GALK2: variants seen among roughly 807,000 people sequenced by gnomAD.
GALK2 encodes the protein N-acetylgalactosamine kinase.
Under a neutral mutation model 52.4 loss-of-function variants are expected in GALK2, and 36 were observed. The observed-to-expected ratio is 0.69, with a 90% CI of 0.53 to 0.91. The LOEUF (loss-of-function observed/expected upper bound fraction) is 0.91. GALK2 is among the 40% of genes least tolerant of loss of function. The probability of loss-of-function intolerance (pLI) is 0.00; values close to 1 mark genes in which losing one functional copy is unlikely to be tolerated. For missense variants in GALK2, 579 were observed against 559.1 expected (o/e 1.04, Z -0.36); for synonymous variants, 176 against 199.1 (o/e 0.88, Z 0.98).
intron 5 of GALK2, among the ~76,000 whole-genome samples, chr15:49,264,767 C>T (rs2092290352): frequency 2.0e-5 from 3 of 152,210 alleles, no homozygotes; most frequent in Non-Finnish European, 4.4e-5. Context: ...TATGTCCTTT[C>T]TGTTTGTTAG....
At chr15:49,337,151 CAT>C (rs775778759) in intron 3 of GALK2, among the ~76,000 whole-genome samples, 2 of 152,142 alleles carry the variant, frequency 1.3e-5, no homozygotes, top group African/African-American at 4.8e-5. Context: ...CTGCAATGAA[CAT>C]ATGAGTACAT....
rs1173985190 is a variant in GALK2, at chr15:49,292,418, T to C, written c.848T>C (p.Leu283Pro). ...CTAGGGATTAGTCTAGAAGAAATGC[T>C]GTTGGTCACAGAAGATGCCCTTCAT... ...AKLGISLEEM[L>P]LVTEDALHPE... The change falls in exon 8 of 10, where the codon CTG (leucine) becomes CCG (proline). Residue 283 changes from leucine (L) to proline (P), a missense_variant. By Grantham distance (98) the Leu-to-Pro change is moderately conservative. Coordinates refer to ENST00000560031, the MANE Select transcript of GALK2 (RefSeq NM_002044.4). 12 of 1,613,956 alleles carry C rather than the reference T, an allele frequency of 7.4e-6. No homozygotes were observed. The African/African-American group carries it at 1.5e-4, about 20-fold the overall frequency.
chr15:49,201,379 T>C (rs1229333066), intron 2 of GALK2, 129 bp downstream of exon 2: 4 of 551,486 alleles, frequency 7.3e-6, no homozygotes, highest in East Asian at 6.0e-5. Context: ...AATAGTAAGA[T>C]GTGCCTTTGC....
At chr15:49,272,332 T>C (rs1353492351) in intron 5 of GALK2, among the ~76,000 whole-genome samples, 1 of 152,182 alleles carries the variant, frequency 6.6e-6, no homozygotes, top group African/African-American at 2.4e-5. Flanking sequence ...TCAGCTTTCT[T>C]CACTTTTTTG....
At position 49,209,447 on chromosome 15, in the gene GALK2, G is replaced by T. The variant is rs184596003; in HGVS notation, c.143-7743G>T. Among the ~76,000 whole-genome samples, 374 of 152,124 alleles carry T rather than the reference G, an allele frequency of 2.5e-3. 4 individuals carry two copies. Among genetic ancestry groups the T allele is most frequent in the African/African-American group, 8.5e-3 (353 of 41,494 alleles). ...AAAGCTTTCCATTTTTCCTCATTTG[G>T]TATGACATTAGCTATGGGTTTGTCA... On this transcript the variant is annotated intron_variant, in intron 2 of 9. Transcript: ENST00000560031.
At chr15:49,219,880 T>C (rs1039958904) in intron 3 of GALK2, among the ~76,000 whole-genome samples, 11 of 152,184 alleles carry the variant, frequency 7.2e-5, no homozygotes, top group South Asian at 4.1e-4. Flanking sequence ...GTTACTAACA[T>C]GTCTTAAAAT....
chr15:49,274,677 GAAACAC>G (rs537600191), intron 5 of GALK2, among the ~76,000 whole-genome samples: 258 of 152,250 alleles, frequency 1.7e-3, no homozygotes, highest in African/African-American at 6.0e-3. Flanking sequence ...CACTTAGCTT[GAAACAC>G]AAACACATTG....
chr15:49,248,516 A>T (rs1184632064), intron 5 of GALK2, among the ~76,000 whole-genome samples: 1 of 152,234 alleles, frequency 6.6e-6, no homozygotes, highest in Non-Finnish European at 1.5e-5. Flanking sequence ...GACTGAAGCC[A>T]TGTGCTCACT....
intron 1 of GALK2, among the ~76,000 whole-genome samples, chr15:49,161,481 C>T (rs189353778): frequency 3.9e-5 from 6 of 152,188 alleles, no homozygotes; most frequent in East Asian, 1.9e-4. Context: ...TACTTTATAC[C>T]GTTAAGATAC....
At chr15:49,217,390 A>G (rs2089465125) in intron 3 of GALK2, 77 bp downstream of exon 3, 10 of 1,332,024 alleles carry the variant, frequency 7.5e-6, no homozygotes, top group Middle Eastern at 3.8e-4. Flanking sequence ...GGAGACATCA[A>G]ATTTGTAACA....
At chr15:49,278,414 C>A (rs2032200079) in intron 5 of GALK2, among the ~76,000 whole-genome samples, 2 of 152,132 alleles carry the variant, frequency 1.3e-5, no homozygotes, top group Admixed American at 1.3e-4. Flanking sequence ...GTCTTGTATT[C>A]TATAGTAATT....
chr15:49,185,916 G>A (rs534991628), intron 1 of GALK2, among the ~76,000 whole-genome samples: 2 of 152,220 alleles, frequency 1.3e-5, no homozygotes, highest in South Asian at 4.2e-4. Flanking sequence ...AGCACTTTAA[G>A]TATGTCTTGC....
At chr15:49,181,819 TTCTCTA>T (rs1354493426) in intron 1 of GALK2, among the ~76,000 whole-genome samples, 2 of 152,096 alleles carry the variant, frequency 1.3e-5, no homozygotes, top group Non-Finnish European at 1.5e-5. Flanking sequence ...TGCTTTATCA[TTCTCTA>T]TCTCTGTTTT....
chr15:49,252,846 T>A lies in GALK2; in HGVS notation c.504+13479T>A, dbSNP rs556968785. On this transcript the variant is annotated intron_variant, in intron 5 of 9. Transcript: ENST00000560031. ...TGAAGTTCTATCAATCTTTTAAATC[T>A]TTCCTAATCTGAAAGATGTTGTCAT... Among the ~76,000 whole-genome samples, 29 of 144,972 alleles carry A rather than the reference T, an allele frequency of 2.0e-4. 2 individuals carry two copies. The highest frequency in any genetic ancestry group is 7.2e-4 in the African/African-American group (29 of 40,526).
Position 49,235,870 on chromosome 15 carries a change from A to T in GALK2, c.286A>T (p.Asn96Tyr). The T allele has an allele frequency of 6.2e-7, 1 of 1,612,642 alleles. No individual in the cohort carries two copies. The highest frequency in any genetic ancestry group is 8.5e-7 in the Non-Finnish European group (1 of 1,178,676). ...PLYPDFSTSANNIQIDKTKPL... is the reference protein window; with the variant it reads ...PLYPDFSTSAYNIQIDKTKPL... Reference sequence around the variant, plus strand: ...TCGCAGGGACTTCAGTACTAGTGCTAATAACATCCAGATTGATAAAACCAA... The same window carrying T: ...TCGCAGGGACTTCAGTACTAGTGCTTATAACATCCAGATTGATAAAACCAA... The change falls in exon 4 of 10, where the codon AAT (asparagine) becomes TAT (tyrosine). Residue 96 changes from asparagine (N) to tyrosine (Y), a missense_variant. Transcript: ENST00000560031.
intron 3 of GALK2, among the ~76,000 whole-genome samples, chr15:49,364,222 A>T (rs891360943): frequency 1.6e-4 from 25 of 152,116 alleles, no homozygotes; most frequent in Non-Finnish European, 2.6e-4. Context: ...GGTGGAATTC[A>T]GCTGTGAATC....
chr15:49,309,252 A>G (rs931072564), intron 8 of GALK2, among the ~76,000 whole-genome samples: 5 of 152,210 alleles, frequency 3.3e-5, no homozygotes, highest in Non-Finnish European at 5.9e-5. Flanking sequence ...ATGGAAATAT[A>G]TAATCCTAAA....
intron 5 of GALK2, among the ~76,000 whole-genome samples, chr15:49,277,550 C>A (rs1180820774): frequency 6.7e-6 from 1 of 148,762 alleles, no homozygotes; most frequent in African/African-American, 2.5e-5. Context: ...GTTATCCCAG[C>A]ACTTTGGGAG....
At chr15:49,188,066 T>G (rs1318593178) in intron 1 of GALK2, among the ~76,000 whole-genome samples, 1 of 152,212 alleles carries the variant, frequency 6.6e-6, no homozygotes, top group Non-Finnish European at 1.5e-5. Context: ...TGACAAGTAC[T>G]GCCTGGCAAC....
Sources: allele counts gnomAD v4.1 joint callset (sites outside exome capture counted in the v4.1 genomes callset), GRCh38; gene constraint gnomAD v4.1.1; transcripts MANE v1.5; gene names NCBI Gene and HGNC (gene_info 2026-07-23, HGNC 2026-07-21).